The following TENM2 variants were observed in gnomAD, a reference collection of about 807,000 sequenced individuals.
TENM2 encodes teneurin transmembrane protein 2, also known as teneurin-2.
Under a neutral mutation model 245.2 loss-of-function variants are expected in TENM2, and 52 were observed. That is an observed-to-expected ratio of 0.21 (90% confidence interval 0.17 to 0.27). TENM2 has a LOEUF of 0.27. Among genes scored for constraint, TENM2 ranks in the 10% least tolerant of loss-of-function variants. The probability of loss-of-function intolerance (pLI) is 1.00; values close to 1 mark genes in which losing one functional copy is unlikely to be tolerated. For synonymous variants in TENM2, 1,363 were observed against 1,438.9 expected, an observed-to-expected ratio of 0.95 and a Z score of 1.19; for missense variants, 3,046 against 3,666.8, an observed-to-expected ratio of 0.83 and a Z score of 4.37.
At chr5:167,552,204 A>G (rs1772990409) in intron 2 of TENM2, among the ~76,000 whole-genome samples, 1 of 152,208 alleles carries the variant, frequency 6.6e-6, no homozygotes. Flanking sequence ...ATAGCCTGAA[A>G]TAGCTGTGTT....
At chr5:167,344,285 C>T (rs1420783217) in intron 1 of TENM2, among the ~76,000 whole-genome samples, 3 of 65,162 alleles carry the variant, frequency 4.6e-5, no homozygotes, top group Non-Finnish European at 6.6e-5. Flanking sequence ...CGTGCACGCA[C>T]ACACACACAC....
chr5:167,099,819 C>T, the TENM2 span, among the ~76,000 whole-genome samples: 19 of 152,154 alleles, frequency 1.2e-4, no homozygotes, highest in Admixed American at 1.2e-3. Flanking sequence ...ATGTTGATCC[C>T]TTGTGTTTTC....
chr5:167,353,327 G>T (rs989493097), intron 1 of TENM2, among the ~76,000 whole-genome samples: 2 of 144,736 alleles, frequency 1.4e-5, no homozygotes, highest in South Asian at 2.2e-4. Context: ...ATGTGCAGGG[G>T]GGTGGTGGGG....
chr5:167,479,779 A>G (rs954742399), intron 2 of TENM2, among the ~76,000 whole-genome samples: 6 of 152,200 alleles, frequency 3.9e-5, no homozygotes, highest in Non-Finnish European at 8.8e-5. Context: ...ATTCCCTGGT[A>G]TATGGAAACC....
At chr5:167,783,493 G>A (rs796525087) in intron 2 of TENM2, among the ~76,000 whole-genome samples, 6 of 152,288 alleles carry the variant, frequency 3.9e-5, no homozygotes, top group African/African-American at 1.2e-4. Context: ...TACAGCACCA[G>A]TTGCAATCCC....
intron 2 of TENM2, among the ~76,000 whole-genome samples, chr5:167,616,496 C>T (rs1247649866): frequency 2.6e-5 from 4 of 152,136 alleles, no homozygotes; most frequent in African/African-American, 9.7e-5. Flanking sequence ...TGAAAACCCT[C>T]TTTTGGTTTT....
intron 2 of TENM2, among the ~76,000 whole-genome samples, chr5:167,554,850 C>G (rs1423755108): frequency 6.6e-6 from 1 of 151,580 alleles, no homozygotes; most frequent in Non-Finnish European, 1.5e-5. Flanking sequence ...AAAGGAGCTT[C>G]TCTCTCTCTC....
At chr5:167,512,062 ATG>A (rs1011157986) in intron 2 of TENM2, among the ~76,000 whole-genome samples, 11 of 152,172 alleles carry the variant, frequency 7.2e-5, no homozygotes, top group Admixed American at 5.9e-4. Flanking sequence ...CACATAGGGA[ATG>A]TCAGAATTGG....
chr5:168,198,801 C>T, intron 15 of TENM2, 52 bp from the exon 18 acceptor site: 1 of 1,585,426 alleles, frequency 6.3e-7, no homozygotes, highest in South Asian at 1.2e-5. Flanking sequence ...GGCATCCTGC[C>T]TTGTCTAAAA....
chr5:167,532,398 T>A (rs1440459551), intron 2 of TENM2, among the ~76,000 whole-genome samples: 1 of 151,898 alleles, frequency 6.6e-6, no homozygotes, highest in East Asian at 1.9e-4. Flanking sequence ...AGGAAAGAGG[T>A]TTAATGGACT....
the TENM2 span, among the ~76,000 whole-genome samples, chr5:167,266,946 CTATGTGTTCATCCCTCAG>C: frequency 6.6e-6 from 1 of 152,180 alleles, no homozygotes; most frequent in Non-Finnish European, 1.5e-5. Flanking sequence ...ACATGTCGTT[CTATGTGTTCATCCCTCAG>C]TATGTTTTGA....
intron 25 of TENM2, chr5:168,241,211 T>G (rs1221772036): frequency 6.6e-6 from 1 of 151,996 alleles, no homozygotes; most frequent in East Asian, 1.9e-4. Flanking sequence ...CTCACCACCT[T>G]TATTTCCCTC....
the TENM2 span, among the ~76,000 whole-genome samples, chr5:167,102,059 C>T: frequency 6.7e-6 from 1 of 149,090 alleles, no homozygotes; most frequent in Non-Finnish European, 1.5e-5. Context: ...AACCCCCTCT[C>T]TACTAAAAAT....
At chr5:167,042,375 T>A in the TENM2 span, among the ~76,000 whole-genome samples, 1 of 152,186 alleles carries the variant, frequency 6.6e-6, no homozygotes, top group African/African-American at 2.4e-5. Flanking sequence ...GAGGTTTTGA[T>A]CACACAGCTG....
chr5:167,445,330 T>TAGGGAGAGAGAGAG (rs1275688569), intron 2 of TENM2, among the ~76,000 whole-genome samples: 16 of 49,262 alleles, frequency 3.2e-4, no homozygotes, highest in East Asian at 1.0e-3. Flanking sequence ...TATATATATA[T>TAGGGAGAGAGAGAG]ATATATAGAG....
the TENM2 span, among the ~76,000 whole-genome samples, chr5:167,250,189 T>G: frequency 2.6e-3 from 397 of 152,090 alleles, 1 homozygote; most frequent in African/African-American, 9.2e-3. Flanking sequence ...GCCATGGTGG[T>G]GAATGCCTGT....
At chr5:167,845,216 C>G (rs1464531720) in intron 2 of TENM2, among the ~76,000 whole-genome samples, 4 of 146,984 alleles carry the variant, frequency 2.7e-5, no homozygotes, top group Non-Finnish European at 6.0e-5. Context: ...ATTACCCCTT[C>G]CCCCGAGTCC....
At chr5:167,500,904 A>C (rs1297150158) in intron 2 of TENM2, among the ~76,000 whole-genome samples, 1 of 152,098 alleles carries the variant, frequency 6.6e-6, no homozygotes, top group Non-Finnish European at 1.5e-5. Context: ...TGTCCTCCTT[A>C]GTTTGACTCC....
intron 2 of TENM2, among the ~76,000 whole-genome samples, chr5:167,808,440 AG>A (rs1269339675): frequency 1.3e-5 from 2 of 152,090 alleles, no homozygotes; most frequent in African/African-American, 4.8e-5. Context: ...TTATATTTTT[AG>A]TAGAGACGGG....
Sources: allele counts gnomAD v4.1 joint callset (sites outside exome capture counted in the v4.1 genomes callset), GRCh38; gene constraint gnomAD v4.1.1; transcripts MANE v1.5; gene names NCBI Gene and HGNC (gene_info 2026-07-23, HGNC 2026-07-21).